TPTE2: variants seen among roughly 807,000 people sequenced by gnomAD.
TPTE2 encodes the protein transmembrane phosphoinositide 3-phosphatase and tensin homolog 2.
A neutral mutation model predicts 78.6 loss-of-function variants in TPTE2; 53 were observed. The observed-to-expected ratio is 0.67, with a 90% CI of 0.54 to 0.85. The LOEUF is 0.85. Among genes scored for constraint, TPTE2 ranks in the 40% least tolerant of loss-of-function variants. The pLI, the probability that TPTE2 is intolerant of heterozygous loss-of-function variation, is 0.00. For missense variants in TPTE2, 461 were observed against 623.0 expected, an observed-to-expected ratio of 0.74 and a Z score of 2.77; for synonymous variants, 175 against 206.2, an observed-to-expected ratio of 0.85 and a Z score of 1.30.
chr13:19,528,766 G>A (rs1431812382), intron 1 of TPTE2, among the ~76,000 whole-genome samples: 1 of 152,172 alleles, frequency 6.6e-6, no homozygotes, highest in African/African-American at 2.4e-5. Context: ...AACAGACCTT[G>A]AATCTCAGAG....
chr13:19,561,387 C>G, the TPTE2 span: 1 of 451,178 alleles, frequency 2.2e-6, no homozygotes, highest in Non-Finnish European at 3.8e-6. Flanking sequence ...GTCGCAGACG[C>G]CGCCACCTCC....
intron 1 of TPTE2, among the ~76,000 whole-genome samples, chr13:19,518,307 CA>C (rs1869930057): frequency 4.6e-5 from 7 of 152,120 alleles, no homozygotes; most frequent in Non-Finnish European, 1.0e-4. Context: ...GATCATTATG[CA>C]ATGTAAAATG....
intron 1 of TPTE2, among the ~76,000 whole-genome samples, chr13:19,502,352 T>A (rs529419057): frequency 6.6e-6 from 1 of 151,462 alleles, no homozygotes; most frequent in South Asian, 2.1e-4. Flanking sequence ...TGCACACGTA[T>A]ATTTATTGTG....
At position 19,511,631 on chromosome 13, in the gene TPTE2, G is replaced by T. The variant is rs1170384968; in HGVS notation, c.-43-8354C>A. ...AGGGCTGGGGAAATGCTCAAAAAGT[G>T]ATGGGAACATGTCAAGCCAAAGGAA... On this transcript the variant is annotated intron_variant, in intron 1 of 17. Transcript: ENST00000390680. 2.0e-5 allele frequency among the ~76,000 whole-genome samples: 3 copies of T among 152,262 alleles called. 1 individual carries two copies. In the Middle Eastern group the frequency reaches 0.01, roughly 518 times the overall value.
chr13:19,453,002 TTTATTTTATGTTATTTTATG>T (rs60752394), intron 10 of TPTE2, among the ~76,000 whole-genome samples: 6 of 86,280 alleles, frequency 7.0e-5, no homozygotes, highest in Admixed American at 4.1e-4. Flanking sequence ...TTTATTTTAT[TTTATTTTATGTTATTTTATG>T]TTATTTTATT....
At chr13:19,451,199 T>A (rs1566045666) in exon 11 of TPTE2, 8 of 1,613,518 alleles carry the variant, frequency 5.0e-6, no homozygotes, top group Non-Finnish European at 6.8e-6. Context: ...GGTTTCGATG[T>A]TTCTTATCTA....
intron 1 of TPTE2, among the ~76,000 whole-genome samples, chr13:19,518,390 G>A (rs1166790961): frequency 6.6e-6 from 1 of 151,958 alleles, no homozygotes; most frequent in Non-Finnish European, 1.5e-5. Context: ...TTGAGTATAA[G>A]AAAAAATAAA....
chr13:19,560,562 G>A, the TPTE2 span: 3 of 1,598,454 alleles, frequency 1.9e-6, no homozygotes, highest in East Asian at 4.5e-5. Context: ...TCTTGGCCCA[G>A]CTGATGGTGA....
chr13:19,464,501 T>C, exon 10 of TPTE2: 1 of 1,613,114 alleles, frequency 6.2e-7, no homozygotes, highest in Non-Finnish European at 8.5e-7. Flanking sequence ...AAGATGGAAA[T>C]GACATAGCAA....
the TPTE2 span, among the ~76,000 whole-genome samples, chr13:19,547,854 G>A: frequency 2.0e-5 from 3 of 150,546 alleles, no homozygotes; most frequent in African/African-American, 7.3e-5. Flanking sequence ...TCAAACTATC[G>A]ACAACGGTTA....
At chr13:19,465,267 T>A in exon 9 of TPTE2, 1 of 1,613,916 alleles carries the variant, frequency 6.2e-7, no homozygotes. Context: ...GTAACGTAAG[T>A]GAGGTCTAGG....
At chr13:19,558,872 C>A in the TPTE2 span, among the ~76,000 whole-genome samples, 3 of 152,242 alleles carry the variant, frequency 2.0e-5, no homozygotes, top group East Asian at 1.9e-4. Flanking sequence ...TAAGTAATTA[C>A]AAAGATTCAT....
chr13:19,543,482 G>A, the TPTE2 span, among the ~76,000 whole-genome samples: 8 of 151,288 alleles, frequency 5.3e-5, no homozygotes, highest in East Asian at 2.0e-4. Context: ...TCAGGCCCCC[G>A]TGTAGCTGGG....
chr13:19,455,215 A>G (rs1302415052), intron 10 of TPTE2, among the ~76,000 whole-genome samples: 1 of 152,248 alleles, frequency 6.6e-6, no homozygotes, highest in Non-Finnish European at 1.5e-5. Context: ...GTATTTTTAT[A>G]CAACTGCTGA....
At chr13:19,542,526 T>G in the TPTE2 span, among the ~76,000 whole-genome samples, 3 of 152,344 alleles carry the variant, frequency 2.0e-5, no homozygotes, top group African/African-American at 7.2e-5. Flanking sequence ...TGTATTTCCC[T>G]TTAAGATTTA....
At chr13:19,544,333 A>G in the TPTE2 span, among the ~76,000 whole-genome samples, 1 of 152,270 alleles carries the variant, frequency 6.6e-6, no homozygotes, top group East Asian at 1.9e-4. Flanking sequence ...ATATGAATAT[A>G]AGATAACGTA....
intron 10 of TPTE2, among the ~76,000 whole-genome samples, chr13:19,455,268 T>C (rs1878469130): frequency 6.6e-6 from 1 of 152,214 alleles, no homozygotes; most frequent in African/African-American, 2.4e-5. Context: ...TCTTGTGAAC[T>C]ATCTGCATGT....
chr13:19,438,733 G>A (rs1566040027), intron 13 of TPTE2, among the ~76,000 whole-genome samples: 1 of 152,192 alleles, frequency 6.6e-6, no homozygotes, highest in Non-Finnish European at 1.5e-5. Context: ...GAAATAGCAA[G>A]CAAGTACATA....
At position 19,465,218 on chromosome 13, in the gene TPTE2, A is replaced by G. The variant is rs367686271; in HGVS notation, c.676+37T>C. On this transcript the variant is annotated intron_variant, in intron 9 of 19. Coordinates refer to ENST00000400230, the Ensembl canonical transcript of TPTE2. ...AAAATACAATTACAAGAAAAAGTGA[A>G]GTAATACAAGTAAATCAACCATTAA... 3.7e-6 allele frequency: 6 copies of G among 1,611,660 alleles called. No individual in the cohort carries two copies. In the African/African-American group the frequency reaches 6.7e-5, roughly 18 times the overall value.
Sources: gnomAD v4.1 joint callset for allele counts (sites outside exome capture counted in the v4.1 genomes callset) on GRCh38, gnomAD v4.1.1 for gene constraint, MANE v1.5 for transcripts, NCBI Gene and HGNC (gene_info 2026-07-23, HGNC 2026-07-21) for gene names.